Variants in YAF2 observed in about 807,000 individuals in gnomAD.
The protein encoded by YAF2 is YY1-associated factor 2.
In YAF2, 7 loss-of-function variants were observed where a neutral mutation model predicts 20.1. The observed-to-expected ratio is 0.35, with a 90% CI of 0.20 to 0.65. The LOEUF (loss-of-function observed/expected upper bound fraction) is 0.65, where lower values mean the gene tolerates loss of function less well. Ranked by LOEUF, YAF2 falls within the 30% of genes least tolerant of loss-of-function variation. The probability of loss-of-function intolerance (pLI) is 0.69; values close to 1 mark genes in which losing one functional copy is unlikely to be tolerated. For synonymous variants in YAF2, 74 were observed against 76.0 expected (o/e 0.97, Z 0.14); for missense variants, 151 against 219.2 (o/e 0.69, Z 1.96).
At chr12:42,183,392 C>T (rs1457254896) in intron 2 of YAF2, among the ~76,000 whole-genome samples, 1 of 152,148 alleles carries the variant, frequency 6.6e-6, no homozygotes, top group African/African-American at 2.4e-5. Context: ...AGACCAAAAG[C>T]TAGGCCTTTT....
chr12:42,238,071 C>A (rs1482849629), intron 1 of YAF2, 84 bp downstream of exon 1: 5 of 1,202,106 alleles, frequency 4.2e-6, no homozygotes, highest in Admixed American at 8.5e-5. Context: ...GGTGCCCGGG[C>A]GGCTAGCGAG....
Position 42,221,995 on chromosome 12 carries a change from A to G in YAF2, c.152+15604T>C, listed in dbSNP as rs1185116654. ...CACTTCAAAGGTTCCTTTTAGCTCT[A>G]AAATTCTCAGTAATTCTATAATTTC... On this transcript the variant is annotated intron_variant, in intron 2 of 3. Coordinates refer to ENST00000534854, the MANE Select transcript of YAF2 (RefSeq NM_005748.6). Among the ~76,000 whole-genome samples the G allele has an allele frequency of 3.3e-5, 5 of 152,340 alleles. No individual in the cohort carries two copies. In the East Asian group the frequency reaches 7.7e-4, roughly 23 times the overall value.
chr12:42,176,759 C>A (rs1213255861), intron 2 of YAF2, among the ~76,000 whole-genome samples: 2 of 152,020 alleles, frequency 1.3e-5, no homozygotes, highest in African/African-American at 4.8e-5. Flanking sequence ...GTCAGAAGTT[C>A]AAGACCAGCC....
chr12:42,199,312 T>A (rs2066837963), intron 2 of YAF2: 3 of 750,658 alleles, frequency 4.0e-6, no homozygotes, highest in Non-Finnish European at 5.6e-6. Context: ...TTTAAATCCA[T>A]CAAACATAAT....
intron 2 of YAF2, among the ~76,000 whole-genome samples, chr12:42,190,282 T>G (rs1429658857): frequency 1.3e-5 from 2 of 152,082 alleles, no homozygotes; most frequent in Non-Finnish European, 2.9e-5. Flanking sequence ...AAGCAGAAGG[T>G]GCAGTGAGCT....
chr12:42,202,111 C>G (rs1255348435), intron 2 of YAF2, among the ~76,000 whole-genome samples: 9 of 152,114 alleles, frequency 5.9e-5, no homozygotes, highest in East Asian at 3.9e-4. Context: ...GTTTCCCCCC[C>G]CATCTAGAAA....
intron 2 of YAF2, among the ~76,000 whole-genome samples, chr12:42,196,227 GAAAAAAAAAAAA>G (rs34267272): frequency 2.7e-5 from 2 of 74,510 alleles, no homozygotes; most frequent in Admixed American, 1.8e-4. Context: ...AATCCATCTG[GAAAAAAAAAAAA>G]AAAAAAAAAA....
At chr12:42,200,927 C>A (rs769871774) in intron 2 of YAF2, among the ~76,000 whole-genome samples, 1 of 152,056 alleles carries the variant, frequency 6.6e-6, no homozygotes, top group Admixed American at 6.6e-5. Context: ...TATTCCCATA[C>A]GCAAAATGAA....
intron 2 of YAF2, among the ~76,000 whole-genome samples, chr12:42,227,554 G>T (rs1273347559): frequency 4.0e-5 from 6 of 149,038 alleles, no homozygotes; most frequent in Admixed American, 6.6e-5. Context: ...GGTGAGGAGC[G>T]TCTCTGCCCG....
intron 2 of YAF2, among the ~76,000 whole-genome samples, chr12:42,198,261 T>C (rs562455646): frequency 1.3e-5 from 2 of 152,344 alleles, no homozygotes; most frequent in Admixed American, 1.3e-4. Context: ...ATCTGCTTTT[T>C]ATCAGAGCTG....
intron 2 of YAF2, chr12:42,210,255 C>T: frequency 3.3e-6 from 2 of 612,620 alleles, no homozygotes; most frequent in Admixed American, 3.0e-5. Context: ...AGAAGCTATC[C>T]CAAGTAACTT....
At chr12:42,226,114 T>C (rs1420669051) in intron 2 of YAF2, among the ~76,000 whole-genome samples, 2 of 152,222 alleles carry the variant, frequency 1.3e-5, no homozygotes, top group South Asian at 2.1e-4. Flanking sequence ...GTTGTATTCC[T>C]AGGTATTTTA....
chr12:42,206,883 A>T (rs2067059444), intron 2 of YAF2, among the ~76,000 whole-genome samples: 2 of 152,146 alleles, frequency 1.3e-5, no homozygotes, highest in African/African-American at 4.8e-5. Context: ...TTAAAATTTC[A>T]AAGCCATAGA....
At chr12:42,192,318 G>A (rs1163908970) in intron 2 of YAF2, among the ~76,000 whole-genome samples, 1 of 152,046 alleles carries the variant, frequency 6.6e-6, no homozygotes, top group African/African-American at 2.4e-5. Flanking sequence ...GACCAGCCTG[G>A]GCAACACAGC....
intron 2 of YAF2, among the ~76,000 whole-genome samples, chr12:42,209,695 C>T (rs371407960): frequency 6.6e-6 from 1 of 151,298 alleles, no homozygotes; most frequent in Non-Finnish European, 1.5e-5. Flanking sequence ...TAAGTATTTA[C>T]TTCAAAAAAG....
At chr12:42,199,368 T>G (rs2066839739) in intron 2 of YAF2, 4 of 337,208 alleles carry the variant, frequency 1.2e-5, no homozygotes, top group East Asian at 2.1e-4. Flanking sequence ...TGTTAAAACT[T>G]TAAAAAGTGA....
At chr12:42,226,775 G>C (rs977585184) in intron 2 of YAF2, among the ~76,000 whole-genome samples, 1 of 152,134 alleles carries the variant, frequency 6.6e-6, no homozygotes, top group Admixed American at 6.5e-5. Flanking sequence ...GAAAAGCAAC[G>C]CCAGGTGTCA....
chr12:42,212,942 C>T lies in YAF2; in HGVS notation c.152+24657G>A, dbSNP rs910012078. Among the ~76,000 whole-genome samples, 3 of 152,330 alleles carry T rather than the reference C, an allele frequency of 2.0e-5. No homozygotes were observed. In the East Asian group the frequency reaches 5.8e-4, roughly 29 times the overall value. On this transcript the variant is annotated intron_variant, in intron 2 of 3. Transcript: ENST00000534854. ...TCTGCTAGTTTACTAGACTCCTAGT[C>T]ACTGGAGTAAGTACATAGCACAAAG... is the stretch of plus-strand genomic sequence containing the variant.
chr12:42,223,310 C>G (rs1017950611), intron 2 of YAF2, among the ~76,000 whole-genome samples: 3 of 150,750 alleles, frequency 2.0e-5, no homozygotes, highest in African/African-American at 7.4e-5. Context: ...ATCTTAAAAA[C>G]AGCAGTTTCT....
Sources: gnomAD v4.1 joint callset for allele counts (sites outside exome capture counted in the v4.1 genomes callset) on GRCh38, gnomAD v4.1.1 for gene constraint, MANE v1.5 for transcripts, NCBI Gene and HGNC (gene_info 2026-07-23, HGNC 2026-07-21) for gene names.